Variants in PGCKA1 observed in about 807,000 individuals in gnomAD.
The protein encoded by PGCKA1 is PDCD10 and GCKIII kinases associated 1, also known as PDCD10 and GCKIII kinases-associated protein 1.
At chr4:37,553,684 T>C in the PGCKA1 span, among the ~76,000 whole-genome samples, 2 of 152,342 alleles carry the variant, frequency 1.3e-5, no homozygotes, top group Non-Finnish European at 2.9e-5. Context: ...TGAATACACG[T>C]ACATCTTAGA....
the PGCKA1 span, among the ~76,000 whole-genome samples, chr4:37,543,813 G>A: frequency 5.1e-4 from 75 of 147,060 alleles, no homozygotes; most frequent in African/African-American, 1.7e-3. Flanking sequence ...CAGCCTGGGC[G>A]ACAGAGCAAG....
the PGCKA1 span, among the ~76,000 whole-genome samples, chr4:37,481,943 C>G: frequency 5.0e-4 from 76 of 152,244 alleles, no homozygotes; most frequent in Non-Finnish European, 9.6e-4. Context: ...AGGGGTTTCC[C>G]CCTTTGCTTG....
chr4:37,590,139 C>A, the PGCKA1 span: 1 of 1,614,104 alleles, frequency 6.2e-7, no homozygotes, highest in Non-Finnish European at 8.5e-7. Flanking sequence ...TCAATGAAGT[C>A]AACAGCTGCA....
chr4:37,459,102 G>T, the PGCKA1 span, among the ~76,000 whole-genome samples: 1 of 152,070 alleles, frequency 6.6e-6, no homozygotes, highest in Non-Finnish European at 1.5e-5. Context: ...GCAGTGAAGG[G>T]TGGTGGTATT....
chr4:37,588,711 G>A, the PGCKA1 span: 342 of 628,546 alleles, frequency 5.4e-4, 1 homozygote, highest in African/African-American at 5.5e-3. Flanking sequence ...TCTGACCCAC[G>A]TGGTAGTTAT....
At chr4:37,536,333 G>T in the PGCKA1 span, among the ~76,000 whole-genome samples, 1 of 152,090 alleles carries the variant, frequency 6.6e-6, no homozygotes, top group Admixed American at 6.6e-5. Flanking sequence ...ACCTATTACT[G>T]TACAACAAAT....
At chr4:37,531,736 C>G in the PGCKA1 span, among the ~76,000 whole-genome samples, 1 of 150,674 alleles carries the variant, frequency 6.6e-6, no homozygotes, top group Non-Finnish European at 1.5e-5. Flanking sequence ...ACTAAAAATA[C>G]AAAAAATTAG....
chr4:37,489,818 G>A, the PGCKA1 span, among the ~76,000 whole-genome samples: 1 of 152,118 alleles, frequency 6.6e-6, no homozygotes, highest in African/African-American at 2.4e-5. Context: ...AGATAAATCT[G>A]GCAAGCAAAG....
the PGCKA1 span, among the ~76,000 whole-genome samples, chr4:37,574,058 C>T: frequency 1.7e-5 from 1 of 57,230 alleles, no homozygotes; most frequent in Non-Finnish European, 3.6e-5. Context: ...TGTGGTGGCA[C>T]GTGCCTGTAA....
At chr4:37,562,693 CTATATAG>C in the PGCKA1 span, among the ~76,000 whole-genome samples, 1 of 152,300 alleles carries the variant, frequency 6.6e-6, no homozygotes, top group Admixed American at 6.5e-5. Flanking sequence ...GCTCCTTGTC[CTATATAG>C]CATATTATAT....
the PGCKA1 span, among the ~76,000 whole-genome samples, chr4:37,485,641 T>C: frequency 6.6e-6 from 1 of 152,060 alleles, no homozygotes; most frequent in African/African-American, 2.4e-5. Context: ...TTTTTTTTTT[T>C]CCTCTTAAAT....
the PGCKA1 span, among the ~76,000 whole-genome samples, chr4:37,543,062 C>A: frequency 6.6e-6 from 1 of 152,118 alleles, no homozygotes; most frequent in African/African-American, 2.4e-5. Context: ...TAGACTGGTC[C>A]CCAAATCTCC....
the PGCKA1 span, among the ~76,000 whole-genome samples, chr4:37,540,980 GT>G: frequency 0.15 from 22,434 of 151,028 alleles, 1,983 homozygotes; most frequent in Non-Finnish European, 0.2. Context: ...GTTAAAGAAG[GT>G]AACACAAACA....
At chr4:37,473,681 C>T in the PGCKA1 span, among the ~76,000 whole-genome samples, 1 of 152,144 alleles carries the variant, frequency 6.6e-6, no homozygotes, top group Non-Finnish European at 1.5e-5. Flanking sequence ...TTGCTATCTC[C>T]CATTCCCAAG....
At chr4:37,583,084 C>T in the PGCKA1 span, among the ~76,000 whole-genome samples, 3 of 152,084 alleles carry the variant, frequency 2.0e-5, no homozygotes, top group Non-Finnish European at 4.4e-5. Context: ...TTGTTTTATT[C>T]AATTGGCTAC....
At chr4:37,588,873 G>C in the PGCKA1 span, 9 of 1,613,262 alleles carry the variant, frequency 5.6e-6, no homozygotes, top group South Asian at 1.1e-5. Flanking sequence ...TCCAGATGGG[G>C]TGCAGGTGCT....
chr4:37,507,589 T>A, the PGCKA1 span, among the ~76,000 whole-genome samples: 16 of 152,318 alleles, frequency 1.1e-4, no homozygotes, highest in East Asian at 1.3e-3. Flanking sequence ...TCCCCACTTT[T>A]TAACTTTTCA....
At chr4:37,587,733 C>T in the PGCKA1 span, among the ~76,000 whole-genome samples, 1 of 152,178 alleles carries the variant, frequency 6.6e-6, no homozygotes, top group South Asian at 2.1e-4. Flanking sequence ...CTTTGAGAGG[C>T]CAAGGCAGGC....
At chr4:37,474,146 A>C in the PGCKA1 span, among the ~76,000 whole-genome samples, 2 of 152,180 alleles carry the variant, frequency 1.3e-5, no homozygotes, top group Non-Finnish European at 2.9e-5. Flanking sequence ...AGAGGTGATT[A>C]GGTCACAAGT....
Sources: allele counts gnomAD v4.1 joint callset (sites outside exome capture counted in the v4.1 genomes callset), GRCh38; gene constraint gnomAD v4.1.1; transcripts MANE v1.5; gene names NCBI Gene and HGNC (gene_info 2026-07-23, HGNC 2026-07-21).